The following EYS variants were observed in gnomAD, a reference collection of about 807,000 sequenced individuals.
EYS encodes the protein EGF-like photoreceptor maintenance factor, also known as protein eyes shut homolog.
A neutral mutation model predicts 282.1 loss-of-function variants in EYS; 250 were observed. The ratio of observed to expected loss-of-function variants is 0.89; its 90% confidence interval spans 0.80 to 0.98. EYS has a LOEUF of 0.98. Among genes scored for constraint, EYS ranks in the 50% least tolerant of loss-of-function variants. EYS has a pLI of 0.00. For synonymous variants in EYS, 1,355 were observed against 1,282.9 expected (o/e 1.06, Z -1.20); for missense variants, 4,016 against 3,709.0 (o/e 1.08, Z -2.15).
chr6:64,021,620 GATGAATTGA>G (rs1445127438), intron 33 of EYS, among the ~76,000 whole-genome samples: 1 of 152,138 alleles, frequency 6.6e-6, no homozygotes, highest in Non-Finnish European at 1.5e-5. Context: ...TTCTACAATG[GATGAATTGA>G]AAAGATTATC....
At chr6:64,392,425 A>G (rs372557870) in intron 28 of EYS, among the ~76,000 whole-genome samples, 64 of 150,480 alleles carry the variant, frequency 4.3e-4, no homozygotes, top group South Asian at 1.9e-3. Context: ...ATAACAAACT[A>G]TCTCTCAGAC....
rs539933244 is a variant in EYS at position 64,080,674 on chromosome 6, G to GT, written c.6571+1181dup. Among the ~76,000 whole-genome samples, 151 of 152,082 alleles carry GT rather than the reference G, an allele frequency of 9.9e-4. 2 individuals carry two copies. In the South Asian group the frequency reaches 0.012, roughly 13 times the overall value. On this transcript the variant is annotated intron_variant, in intron 32 of 42. Coordinates refer to ENST00000503581, the MANE Select transcript of EYS (RefSeq NM_001142800.2). ...GGTATTGCCTAGGTTTTCTTCTAGGGTTTTTATGGTTTTAGGTCTAACATT... is the reference window on the plus strand; with the variant it reads ...GGTATTGCCTAGGTTTTCTTCTAGGGTTTTTTATGGTTTTAGGTCTAACATT...
At chr6:64,572,869 G>A (rs1435521635) in intron 26 of EYS, among the ~76,000 whole-genome samples, 3 of 152,148 alleles carry the variant, frequency 2.0e-5, no homozygotes, top group Non-Finnish European at 4.4e-5. Context: ...TAGATTCAAT[G>A]CTGTCCCTGT....
At chr6:65,661,362 A>C (rs943649114) in intron 1 of EYS, among the ~76,000 whole-genome samples, 1 of 152,034 alleles carries the variant, frequency 6.6e-6, no homozygotes, top group African/African-American at 2.4e-5. Context: ...TGTAGTGACC[A>C]TTATTATACA....
chr6:64,673,625 G>A (rs915968431), intron 22 of EYS, among the ~76,000 whole-genome samples: 5 of 152,016 alleles, frequency 3.3e-5, no homozygotes, highest in Admixed American at 3.3e-4. Flanking sequence ...TCATGATAAA[G>A]CTGTCTCTTC....
chr6:64,544,398 C>G (rs533544258), intron 26 of EYS, among the ~76,000 whole-genome samples: 17 of 152,162 alleles, frequency 1.1e-4, no homozygotes, highest in Non-Finnish European at 2.2e-4. Context: ...AGTCAGAACA[C>G]AGTAAAGGAA....
chr6:65,041,217 C>T (rs897738893), intron 13 of EYS, among the ~76,000 whole-genome samples: 1 of 151,672 alleles, frequency 6.6e-6, no homozygotes, highest in Non-Finnish European at 1.5e-5. Flanking sequence ...TAGCACAGAT[C>T]AGTCCATAGT....
At chr6:65,453,976 G>A (rs1008068173) in intron 5 of EYS, among the ~76,000 whole-genome samples, 1 of 151,610 alleles carries the variant, frequency 6.6e-6, no homozygotes, top group Non-Finnish European at 1.5e-5. Context: ...TATAAATTGT[G>A]CTGTAATAAG....
chr6:65,210,559 T>C (rs541544727), intron 12 of EYS, among the ~76,000 whole-genome samples: 2 of 152,156 alleles, frequency 1.3e-5, no homozygotes, highest in Non-Finnish European at 2.9e-5. Flanking sequence ...TAGCCTCATA[T>C]TATTAAATCA....
chr6:64,375,206 A>G (rs1427280199), intron 29 of EYS, among the ~76,000 whole-genome samples: 1 of 152,246 alleles, frequency 6.6e-6, no homozygotes, highest in East Asian at 1.9e-4. Context: ...GTGGTCATTT[A>G]GAAAGATTTT....
intron 5 of EYS, among the ~76,000 whole-genome samples, chr6:65,485,696 T>C (rs1323396653): frequency 3.3e-5 from 5 of 152,088 alleles, no homozygotes; most frequent in African/African-American, 7.2e-5. Flanking sequence ...TTCAAGCTAC[T>C]TGGGAGCGTA....
At chr6:64,885,172 T>G (rs1767049309) in intron 19 of EYS, among the ~76,000 whole-genome samples, 1 of 151,666 alleles carries the variant, frequency 6.6e-6, no homozygotes, top group Non-Finnish European at 1.5e-5. Context: ...GAACCCTATC[T>G]ATTAAGGATA....
At chr6:64,417,790 C>A (rs572736884) in intron 28 of EYS, among the ~76,000 whole-genome samples, 2 of 151,288 alleles carry the variant, frequency 1.3e-5, no homozygotes, top group Admixed American at 1.3e-4. Flanking sequence ...TCTGCCTCAG[C>A]CTCCCAAGTA....
intron 19 of EYS, among the ~76,000 whole-genome samples, chr6:64,839,360 A>T (rs1001238811): frequency 7.9e-5 from 12 of 151,980 alleles, no homozygotes; most frequent in Admixed American, 6.6e-5. Flanking sequence ...AAATACCCAA[A>T]ATTTCATTAC....
In EYS at chr6:64,295,687, C is replaced by T. The variant is rs192273506; in HGVS notation, c.6191+11283G>A. Among the ~76,000 whole-genome samples the T allele has an allele frequency of 3.9e-3, 567 of 144,982 alleles. 3 individuals carry two copies. Among genetic ancestry groups the T allele is most frequent in the African/African-American group, 0.014 (533 of 38,780 alleles). ...GAGCTTGCAGTGAGCTGAGATCGCG[C>T]CGCTGCACTCCAGCCTGGCTGACTG... On this transcript the variant is annotated intron_variant, in intron 30 of 42. Coordinates refer to ENST00000503581, the MANE Select transcript of EYS (RefSeq NM_001142800.2).
At chr6:64,411,853 T>C (rs1773901818) in intron 28 of EYS, among the ~76,000 whole-genome samples, 1 of 90,486 alleles carries the variant, frequency 1.1e-5, no homozygotes, top group Non-Finnish European at 2.5e-5. Context: ...TATGTTTGCA[T>C]ATATGTATAT....
intron 26 of EYS, among the ~76,000 whole-genome samples, chr6:64,538,857 C>T (rs1204697531): frequency 2.0e-5 from 3 of 152,120 alleles, no homozygotes; most frequent in Admixed American, 1.3e-4. Flanking sequence ...AAAACAGATC[C>T]ATTTGAACTC....
chr6:65,640,904 C>T (rs1210085462), intron 1 of EYS, among the ~76,000 whole-genome samples: 1 of 151,936 alleles, frequency 6.6e-6, no homozygotes. Context: ...TTACCCTTGG[C>T]CAGTAAAATT....
rs113977951 is a variant in EYS, at chr6:63,782,297, A to G, written c.7724-4117T>C. On this transcript the variant is annotated intron_variant, in intron 39 of 42. Coordinates refer to ENST00000503581, the MANE Select transcript of EYS (RefSeq NM_001142800.2). ...ATTAGGGAAGATTCCCTCTTTTTCT[A>G]TTGATTGGAATAGTTTCAGAAGGAA... Among the ~76,000 whole-genome samples, 574 of 152,164 alleles carry G rather than the reference A, an allele frequency of 3.8e-3. 2 individuals are homozygous for G. The highest frequency in any genetic ancestry group is 7.8e-3 in the African/African-American group (323 of 41,518).
Sources: allele counts gnomAD v4.1 joint callset (sites outside exome capture counted in the v4.1 genomes callset), GRCh38; gene constraint gnomAD v4.1.1; transcripts MANE v1.5; gene names NCBI Gene and HGNC (gene_info 2026-07-23, HGNC 2026-07-21).